PRKAG2: variants seen among roughly 807,000 people sequenced by gnomAD.
PRKAG2 encodes protein kinase AMP-activated non-catalytic subunit gamma 2.
A neutral mutation model predicts 69.6 loss-of-function variants in PRKAG2; 26 were observed. The ratio of observed to expected loss-of-function variants is 0.37; its 90% CI spans 0.27 to 0.52. The LOEUF is 0.52. Among genes scored for constraint, PRKAG2 ranks in the 20% least tolerant of loss-of-function variants. PRKAG2 has a pLI of 0.90. For missense variants in PRKAG2, 557 were observed against 740.0 expected (o/e 0.75, Z 2.87); for synonymous variants, 293 against 285.0 (o/e 1.03, Z -0.28).
At chr7:151,566,977 T>C (rs1177872032) in intron 11 of PRKAG2, among the ~76,000 whole-genome samples, 2 of 152,238 alleles carry the variant, frequency 1.3e-5, no homozygotes, top group African/African-American at 4.8e-5. Flanking sequence ...GAGGCAGTAC[T>C]GGGCAGAGGC....
intron 4 of PRKAG2, among the ~76,000 whole-genome samples, chr7:151,674,089 C>T (rs897660460): frequency 2.0e-5 from 3 of 152,148 alleles, no homozygotes; most frequent in Non-Finnish European, 1.5e-5. Context: ...GTGATCCACC[C>T]ACCTTGGCCT....
intron 1 of PRKAG2, among the ~76,000 whole-genome samples, chr7:151,875,614 T>TGTGTGTGTAC (rs1554622416): frequency 1.4e-5 from 2 of 139,906 alleles, no homozygotes; most frequent in East Asian, 2.1e-4. Context: ...TGTGTGTGTG[T>TGTGTGTGTAC]ACACAAACAT....
At chr7:151,824,856 CCTCT>C (rs1402382218) in intron 1 of PRKAG2, among the ~76,000 whole-genome samples, 1 of 152,188 alleles carries the variant, frequency 6.6e-6, no homozygotes, top group African/African-American at 2.4e-5. Flanking sequence ...TGCCCCCTTC[CCTCT>C]CTTTCTTCTG....
At chr7:151,819,015 C>A (rs1466650917) in intron 1 of PRKAG2, among the ~76,000 whole-genome samples, 2 of 152,234 alleles carry the variant, frequency 1.3e-5, no homozygotes, top group African/African-American at 4.8e-5. Context: ...TGTTGAAATT[C>A]ACAGCAGAGG....
At chr7:151,600,877 CTCACT>C (rs1815882423) in intron 5 of PRKAG2, among the ~76,000 whole-genome samples, 1 of 152,218 alleles carries the variant, frequency 6.6e-6, no homozygotes, top group African/African-American at 2.4e-5. Context: ...AATAAATCAC[CTCACT>C]TAACTGATGT....
At chr7:151,783,658 C>T (rs368625364) in intron 2 of PRKAG2, among the ~76,000 whole-genome samples, 1 of 152,170 alleles carries the variant, frequency 6.6e-6, no homozygotes, top group African/African-American at 2.4e-5. Flanking sequence ...TGGTGTCTCA[C>T]ACCTGTAATC....
intron 6 of PRKAG2, among the ~76,000 whole-genome samples, chr7:151,589,430 A>AT (rs1812509047): frequency 6.6e-6 from 1 of 152,124 alleles, no homozygotes; most frequent in African/African-American, 2.4e-5. Context: ...CGGGTCTCAG[A>AT]TTGGGTCTGA....
At chr7:151,715,301 C>T (rs943942873) in intron 3 of PRKAG2, among the ~76,000 whole-genome samples, 3 of 128,750 alleles carry the variant, frequency 2.3e-5, no homozygotes, top group Non-Finnish European at 4.7e-5. Flanking sequence ...CCGGCATGAG[C>T]CACTGCACCT....
chr7:151,632,282 GC>G lies in PRKAG2; in HGVS notation c.685-145del. The G allele has an allele frequency of 1.0e-6, 1 of 989,918 alleles. No individual in the cohort carries two copies. The allele number at this position is 989,918 out of a possible 1,614,324, so 61.3% of individuals were successfully genotyped here. A position where few individuals can be genotyped will look rare whatever the true frequency, so the allele number is the denominator to read the frequency against. On this transcript the variant is annotated intron_variant, in intron 4 of 15. Transcript: ENST00000287878. The surrounding 1 kb of genome is among the most constrained non-coding windows in gnomAD (Gnocchi z 4.2). ...CTGGCAGGGGACGCGGGCAGCGGGG[GC>G]CGGGGGCGGAGCGGGAGCGCTGCCC... is the stretch of plus-strand genomic sequence containing the variant.
chr7:151,795,234 TCC>T (rs2077439085), intron 1 of PRKAG2, among the ~76,000 whole-genome samples: 1 of 151,998 alleles, frequency 6.6e-6, no homozygotes, highest in Admixed American at 6.6e-5. Context: ...CTGGGTCAGC[TCC>T]CAGTTCATGA....
At chr7:151,851,971 G>A (rs2079578944) in intron 1 of PRKAG2, among the ~76,000 whole-genome samples, 1 of 152,160 alleles carries the variant, frequency 6.6e-6, no homozygotes, top group Non-Finnish European at 1.5e-5. Context: ...GGCAGTGAGG[G>A]GAGGAGCAAG....
rs1470313184 is a variant in PRKAG2, at chr7:151,828,254, G to C, written c.115-41713C>G. 6.6e-6 allele frequency among the ~76,000 whole-genome samples: 1 copy of C among 152,234 alleles called. No individual in the cohort carries two copies. Among genetic ancestry groups the C allele is most frequent in the African/African-American group, 2.4e-5 (1 of 41,464 alleles). On this transcript the variant is annotated intron_variant, in intron 1 of 15. Transcript: ENST00000287878. This position sits in a 1 kb window ranked among gnomAD's most constrained non-coding sequence, Gnocchi z 4.6. Reference sequence around the variant, plus strand: ...GCCTGGAGATAGGTCCCTGGTCACAGTGGCATTCTGGGGGTTTTCAGAGAG... The same window carrying C: ...GCCTGGAGATAGGTCCCTGGTCACACTGGCATTCTGGGGGTTTTCAGAGAG...
intron 1 of PRKAG2, among the ~76,000 whole-genome samples, chr7:151,855,241 T>A (rs1304529001): frequency 1.1e-5 from 1 of 87,992 alleles, no homozygotes; most frequent in African/African-American, 4.1e-5. Flanking sequence ...CACACCGCCC[T>A]CCACACACAC....
chr7:151,664,898 G>A (rs1830815879), intron 4 of PRKAG2, among the ~76,000 whole-genome samples: 1 of 152,086 alleles, frequency 6.6e-6, no homozygotes, highest in Non-Finnish European at 1.5e-5. Flanking sequence ...TCATGGTTAA[G>A]GGATGCAGAT....
rs397517261 is a variant in PRKAG2, at chr7:151,876,507, C to T, written c.114G>A (p.Pro38=). Residue 38 remains proline (P), a splice_region_variant and synonymous_variant, in exon 1 of 16, where the codon CCG becomes CCA. Coordinates refer to ENST00000287878, the MANE Select transcript of PRKAG2 (RefSeq NM_016203.4). ...CAGGGGACCGAGTGCTGGGACTCAC[C>T]GGAATGTGCACGCGCAGCGAACGCC... ...QKRRSLRVHI[P]DLSSFAMPLL... 3.1e-6 allele frequency: 5 copies of T among 1,605,076 alleles called. No individual in the cohort carries two copies. The Admixed American group carries it at 8.3e-5, about 27-fold the overall frequency.
intron 4 of PRKAG2, among the ~76,000 whole-genome samples, chr7:151,651,767 G>A (rs752523728): frequency 6.6e-6 from 1 of 152,188 alleles, no homozygotes; most frequent in East Asian, 1.9e-4. Flanking sequence ...CATCCATGTT[G>A]TCACAGATGA....
chr7:151,664,648 G>A (rs1252777851), intron 4 of PRKAG2, among the ~76,000 whole-genome samples: 2 of 152,208 alleles, frequency 1.3e-5, no homozygotes, highest in East Asian at 3.8e-4. Context: ...ACATATTTAA[G>A]GTCTACTGCA....
intron 6 of PRKAG2, among the ~76,000 whole-genome samples, chr7:151,588,204 C>T (rs1812156129): frequency 6.6e-6 from 1 of 152,120 alleles, no homozygotes; most frequent in African/African-American, 2.4e-5. Context: ...GAATCACTAA[C>T]TGATGTGGTT....
At chr7:151,653,139 C>A (rs1269757328) in intron 4 of PRKAG2, among the ~76,000 whole-genome samples, 1 of 148,826 alleles carries the variant, frequency 6.7e-6, no homozygotes, top group Non-Finnish European at 1.5e-5. Context: ...GAGCCTAGTA[C>A]AGCTATAATC....
Sources: allele counts gnomAD v4.1 joint callset (sites outside exome capture counted in the v4.1 genomes callset), GRCh38; gene constraint gnomAD v4.1.1; non-coding constraint Gnocchi (gnomAD v3.1); transcripts MANE v1.5; gene names NCBI Gene and HGNC (gene_info 2026-07-23, HGNC 2026-07-21).